The following SIRPA variants were observed in gnomAD, a reference collection of about 807,000 sequenced individuals.
The protein encoded by SIRPA is signal regulatory protein alpha, also known as tyrosine-protein phosphatase non-receptor type substrate 1.
Under a neutral mutation model 50.3 loss-of-function variants are expected in SIRPA, and 9 were observed. The observed-to-expected ratio is 0.18, with a 90% CI of 0.11 to 0.31. The LOEUF is 0.31. Ranked by LOEUF, SIRPA falls within the 10% of genes least tolerant of loss-of-function variation. SIRPA has a pLI of 1.00. For missense variants in SIRPA, 474 were observed against 661.6 expected (o/e 0.72, Z 3.11); for synonymous variants, 265 against 284.1 (o/e 0.93, Z 0.68).
chr20:1,919,899 T>C (rs1308894371), intron 2 of SIRPA, among the ~76,000 whole-genome samples: 3 of 152,328 alleles, frequency 2.0e-5, no homozygotes, highest in African/African-American at 7.2e-5. Flanking sequence ...AGCCTTTTCT[T>C]GGTGTTTCTG....
In SIRPA at chr20:1,936,861, G is replaced by A. The variant is rs1986605023; in HGVS notation, c.1267-459G>A. Among the ~76,000 whole-genome samples the A allele has an allele frequency of 6.6e-6, 1 of 152,170 alleles. No homozygotes were observed. Among genetic ancestry groups the A allele is most frequent in the African/African-American group, 2.4e-5 (1 of 41,450 alleles). Reference sequence around the variant, plus strand: ...ACATGGGCTGAGGAAGCACAAAGAAGGAACATGGACCCTGCCAGGAGAGGG... The same window carrying A: ...ACATGGGCTGAGGAAGCACAAAGAAAGAACATGGACCCTGCCAGGAGAGGG... On this transcript the variant is annotated intron_variant, in intron 7 of 7. Transcript: ENST00000358771. This position sits in a 1 kb window ranked among gnomAD's most constrained non-coding sequence, Gnocchi z 4.2.
At chr20:1,917,848 A>G (rs1985393845) in intron 2 of SIRPA, among the ~76,000 whole-genome samples, 2 of 152,162 alleles carry the variant, frequency 1.3e-5, no homozygotes, top group African/African-American at 4.8e-5. Flanking sequence ...GTTTATGGCT[A>G]TAGGGTAACC....
intron 1 of SIRPA, among the ~76,000 whole-genome samples, chr20:1,912,951 C>T (rs1189941388): frequency 6.6e-6 from 1 of 152,260 alleles, no homozygotes; most frequent in Non-Finnish European, 1.5e-5. Context: ...GGGCCTCCCA[C>T]ACATTTGGCC....
At chr20:1,915,998 G>T (rs530379699) in intron 2 of SIRPA, among the ~76,000 whole-genome samples, 1 of 152,230 alleles carries the variant, frequency 6.6e-6, no homozygotes, top group East Asian at 1.9e-4. Context: ...AAAAGGCACA[G>T]ATTTACTGTT....
chr20:1,902,037 A>ACT (rs569092638), intron 1 of SIRPA, among the ~76,000 whole-genome samples: 7 of 152,208 alleles, frequency 4.6e-5, no homozygotes, highest in Non-Finnish European at 8.8e-5. Context: ...TGAGCCTTGA[A>ACT]CATGTGTTAG....
intron 5 of SIRPA, among the ~76,000 whole-genome samples, chr20:1,926,891 G>A (rs369487089): frequency 6.6e-6 from 1 of 152,192 alleles, no homozygotes; most frequent in Non-Finnish European, 1.5e-5. Context: ...ACAGTGAAAT[G>A]TCCTGATTTC....
rs934663973 is a variant in SIRPA, at chr20:1,928,685, C to T, written c.1226+786C>T. ...AGGGACTGCCTCTGAAAAGGGGATG[C>T]AAACGGGTGCCTGAAACTAGTGAGC... On this transcript the variant is annotated intron_variant, in intron 6 of 7. Transcript: ENST00000358771. This position sits in a 1 kb window ranked among gnomAD's most constrained non-coding sequence, Gnocchi z 4.9. Among the ~76,000 whole-genome samples the T allele has an allele frequency of 3.9e-5, 6 of 152,114 alleles. No homozygotes were observed. Among genetic ancestry groups the T allele is most frequent in the Admixed American group, 1.3e-4 (2 of 15,270 alleles).
At chr20:1,925,011 G>A (rs1568509173) in intron 5 of SIRPA, 134 bp downstream of exon 5, 1 of 704,318 alleles carries the variant, frequency 1.4e-6, no homozygotes, top group East Asian at 2.7e-5. Flanking sequence ...TGGTGCTAGG[G>A]CTGGGGCAGT....
rs1986488878 is a variant in SIRPA at position 1,934,885 on chromosome 20, A to G, written c.1266+131A>G. 7.3e-6 allele frequency: 7 copies of G among 961,600 alleles called. No homozygotes were observed. In the South Asian group the frequency reaches 9.8e-5, roughly 13 times the overall value. 59.6% of individuals were successfully genotyped at this position (961,600 alleles called of 1,614,324 possible). On this transcript the variant is annotated intron_variant, in intron 7 of 7. Transcript: ENST00000358771. This position sits in a 1 kb window ranked among gnomAD's most constrained non-coding sequence, Gnocchi z 4.6. Reference sequence around the variant, plus strand: ...GGAGGGTGGAGGATCTTACACTCCTAGCTTTCCCCATGTCCTGTGCATATT... The same window carrying G: ...GGAGGGTGGAGGATCTTACACTCCTGGCTTTCCCCATGTCCTGTGCATATT...
chr20:1,913,092 G>A (rs1344029064), intron 1 of SIRPA, among the ~76,000 whole-genome samples: 2 of 152,236 alleles, frequency 1.3e-5, no homozygotes, highest in Admixed American at 6.5e-5. Context: ...ACTTCAAATG[G>A]AAATGAAATG....
chr20:1,912,045 C>T (rs1012111678), intron 1 of SIRPA, among the ~76,000 whole-genome samples: 10 of 152,084 alleles, frequency 6.6e-5, no homozygotes, highest in Admixed American at 1.3e-4. Flanking sequence ...ATTCTTCAAA[C>T]GCTTTATAAA....
chr20:1,931,442 C>T (rs930912337), intron 6 of SIRPA, among the ~76,000 whole-genome samples: 17 of 152,176 alleles, frequency 1.1e-4, no homozygotes, highest in Admixed American at 2.0e-4. Context: ...TTCTTGCTGT[C>T]TATTTCTTCT....
In SIRPA at chr20:1,936,542, G is replaced by A. The variant is rs562143169; in HGVS notation, c.1267-778G>A. On this transcript the variant is annotated intron_variant, in intron 7 of 7. Transcript: ENST00000358771. This position sits in a 1 kb window ranked among gnomAD's most constrained non-coding sequence, Gnocchi z 4.2. ...GCTTTCTGACTCCAGAACGTTTCCCGCTTCACTAACTGGCGATCTCGTTCT... is the reference window on the plus strand; with the variant it reads ...GCTTTCTGACTCCAGAACGTTTCCCACTTCACTAACTGGCGATCTCGTTCT... 6.6e-5 allele frequency among the ~76,000 whole-genome samples: 10 copies of A among 152,238 alleles called. No homozygotes were observed. In the South Asian group the frequency reaches 8.3e-4, roughly 13 times the overall value.
chr20:1,902,983 G>C (rs1231553821), intron 1 of SIRPA, among the ~76,000 whole-genome samples: 2 of 144,824 alleles, frequency 1.4e-5, no homozygotes, highest in Non-Finnish European at 3.0e-5. Context: ...CTGCACTCCC[G>C]CCTGGGTGAC....
intron 6 of SIRPA, among the ~76,000 whole-genome samples, chr20:1,931,342 G>A (rs368179506): frequency 5.9e-5 from 9 of 152,164 alleles, no homozygotes; most frequent in Admixed American, 2.0e-4. Flanking sequence ...TGACATTCCC[G>A]AGGTCCTGCG....
rs1986085087 is a variant in SIRPA at position 1,927,958 on chromosome 20, C to T, written c.1226+59C>T. ...TTATTATTTGGTTATTTGACAGCCC[C>T]CCAGACTACAAAGCATAATCCATGT... On this transcript the variant is annotated intron_variant, in intron 6 of 7. Coordinates refer to ENST00000358771, the MANE Select transcript of SIRPA (RefSeq NM_001040023.2). The surrounding 1 kb of genome is among the most constrained non-coding windows in gnomAD (Gnocchi z 6.5). 2 of 1,423,830 alleles carry T rather than the reference C, an allele frequency of 1.4e-6. No individual in the cohort carries two copies. Among genetic ancestry groups the T allele is most frequent in the Non-Finnish European group, 9.9e-7 (1 of 1,006,514 alleles). 88.2% of individuals were successfully genotyped at this position (1,423,830 alleles called of 1,614,324 possible). A position where few individuals can be genotyped will look rare whatever the true frequency, so the allele number is the denominator to read the frequency against.
In SIRPA at chr20:1,924,770, C is replaced by G; in HGVS notation, c.1094C>G (p.Thr365Ser). Residue 365 changes from threonine (T) to serine (S), a missense_variant, in exon 5 of 8, where the codon ACT becomes AGT. By Grantham distance (58) the Thr-to-Ser change is moderately conservative. Around this residue, in one of 4 missense-constraint regions of SIRPA, gnomAD observed 180 missense variants for 206.7 expected, o/e 0.87. Coordinates refer to ENST00000358771, the MANE Select transcript of SIRPA (RefSeq NM_001040023.2). This position sits in a 1 kb window ranked among gnomAD's most constrained non-coding sequence, Gnocchi z 4.5. ...TATTCCATGTGGTCCCTAGAGAACA[C>G]TGGATCTAATGAACGGAACATCTAT... ...EQGSNTAAEN[T>S]GSNERNIYIV... The G allele has an allele frequency of 1.2e-6, 2 of 1,613,868 alleles. No homozygotes were observed. Among genetic ancestry groups the G allele is most frequent in the Non-Finnish European group, 8.5e-7 (1 of 1,179,880 alleles).
At chr20:1,900,913 G>A (rs762743584) in intron 1 of SIRPA, among the ~76,000 whole-genome samples, 1 of 152,198 alleles carries the variant, frequency 6.6e-6, no homozygotes, top group Admixed American at 6.5e-5. Context: ...CTTCGGACCC[G>A]TTGGATCTGT....
In SIRPA at chr20:1,937,538, G is replaced by A; in HGVS notation, c.1485G>A (p.Glu495=). Residue 495 remains glutamate (E), a synonymous_variant, in exon 8 of 8, where the codon GAG becomes GAA. Coordinates refer to ENST00000358771, the MANE Select transcript of SIRPA (RefSeq NM_001040023.2). The surrounding 1 kb of genome is among the most constrained non-coding windows in gnomAD (Gnocchi z 8.3). ...PAPKPEPSFS[E]YASVQVPRK ...CCAAGCCTGAGCCGTCCTTCTCAGA[G>A]TACGCCAGCGTCCAGGTCCCGAGGA... is the stretch of plus-strand genomic sequence containing the variant. 6.2e-7 allele frequency: 1 copy of A among 1,614,176 alleles called. No individual in the cohort carries two copies. Among genetic ancestry groups the A allele is most frequent in the Non-Finnish European group, 8.5e-7 (1 of 1,180,034 alleles).
Sources: gnomAD v4.1 joint callset for allele counts (sites outside exome capture counted in the v4.1 genomes callset) on GRCh38, gnomAD v4.1.1 for gene constraint, gnomAD v4.1.1 regional missense constraint, Gnocchi (gnomAD v3.1) non-coding constraint, MANE v1.5 for transcripts, NCBI Gene and HGNC (gene_info 2026-07-23, HGNC 2026-07-21) for gene names.